TMCC1: variants seen among roughly 807,000 people sequenced by gnomAD.
TMCC1 encodes the protein transmembrane and coiled-coil domain family 1, also known as transmembrane and coiled-coil domains protein 1.
A neutral mutation model predicts 52.4 loss-of-function variants in TMCC1; 15 were observed. That is an observed-to-expected ratio of 0.29 (90% CI 0.19 to 0.44). The LOEUF is 0.44. TMCC1 is among the 20% of genes least tolerant of loss of function. The pLI is 1.00. For missense variants in TMCC1, 503 were observed against 806.0 expected (o/e 0.62, Z 4.55); for synonymous variants, 279 against 301.9 (o/e 0.92, Z 0.79).
chr3:129,762,590 C>G (rs1159428296), intron 4 of TMCC1, among the ~76,000 whole-genome samples: 2 of 151,654 alleles, frequency 1.3e-5, no homozygotes, highest in Non-Finnish European at 2.9e-5. Context: ...GAGTTCAAGA[C>G]CAGCCTAAGC....
chr3:129,785,946 T>C (rs1480101405), intron 4 of TMCC1, among the ~76,000 whole-genome samples: 1 of 150,900 alleles, frequency 6.6e-6, no homozygotes, highest in East Asian at 1.9e-4. Context: ...TTTTTTTTTT[T>C]TTTTTTAAGA....
At chr3:129,747,821 G>A (rs2052118650) in intron 4 of TMCC1, among the ~76,000 whole-genome samples, 1 of 151,926 alleles carries the variant, frequency 6.6e-6, no homozygotes, top group Non-Finnish European at 1.5e-5. Context: ...CACATCCCCT[G>A]GGCTCTGATG....
At chr3:129,778,879 C>T (rs1233200389) in intron 4 of TMCC1, among the ~76,000 whole-genome samples, 1 of 152,106 alleles carries the variant, frequency 6.6e-6, no homozygotes, top group Non-Finnish European at 1.5e-5. Flanking sequence ...TCAATTAAAC[C>T]TTTTTCCTTT....
chr3:129,741,485 T>C (rs531741889), intron 4 of TMCC1, among the ~76,000 whole-genome samples: 3 of 152,280 alleles, frequency 2.0e-5, no homozygotes, highest in Admixed American at 2.0e-4. Context: ...CCATGATTTA[T>C]TCAAGGTCAC....
At chr3:129,785,289 A>G (rs1439587232) in intron 4 of TMCC1, among the ~76,000 whole-genome samples, 2 of 152,170 alleles carry the variant, frequency 1.3e-5, no homozygotes, top group Admixed American at 6.5e-5. Context: ...TCATCTTTAT[A>G]CCTAACTCAT....
At chr3:129,833,235 G>A (rs1161640376) in intron 2 of TMCC1, among the ~76,000 whole-genome samples, 1 of 151,930 alleles carries the variant, frequency 6.6e-6, no homozygotes. Context: ...TTTTTTTCAA[G>A]TAGTTTCCTA....
At chr3:129,671,334 A>G (rs2087925268) in intron 4 of TMCC1, 70 bp from the exon 5 acceptor site, 3 of 1,441,612 alleles carry the variant, frequency 2.1e-6, no homozygotes, top group East Asian at 4.7e-5. Context: ...ATGGGCCAAA[A>G]TGTATTGGAA....
chr3:129,756,822 T>C (rs903526325), intron 4 of TMCC1, among the ~76,000 whole-genome samples: 8 of 152,190 alleles, frequency 5.3e-5, no homozygotes, highest in Non-Finnish European at 7.3e-5. Context: ...AATGATTAGA[T>C]TGCCAGCAGT....
At chr3:129,805,383 G>A (rs1045042436) in intron 4 of TMCC1, among the ~76,000 whole-genome samples, 2 of 151,964 alleles carry the variant, frequency 1.3e-5, no homozygotes, top group African/African-American at 2.4e-5. Context: ...GGCTGTTCTC[G>A]AACTCCTGGG....
At chr3:129,748,176 T>TC (rs1313076145) in intron 4 of TMCC1, among the ~76,000 whole-genome samples, 3 of 152,258 alleles carry the variant, frequency 2.0e-5, no homozygotes, top group Non-Finnish European at 4.4e-5. Context: ...GTTCAACACT[T>TC]CCTGTGTCTC....
chr3:129,648,819 AC>A lies in TMCC1; in HGVS notation c.*2661del, dbSNP rs2086169087. ...CCCAAGAACAACCACAATGAAAGAA[AC>A]TCAAAAGTAACAGGATGGGCAGCAA... On this transcript the variant is annotated 3_prime_UTR_variant, in exon 7 of 7. Transcript: ENST00000393238. 1 of 152,242 alleles carries A rather than the reference AC, an allele frequency of 6.6e-6. No individual in the cohort carries two copies. 9.4% of individuals were successfully genotyped at this position (152,242 alleles called of 1,614,324 possible).
chr3:129,815,979 A>G (rs1198388326), intron 4 of TMCC1, among the ~76,000 whole-genome samples: 1 of 152,202 alleles, frequency 6.6e-6, no homozygotes, highest in East Asian at 1.9e-4. Context: ...CAACAAGTAT[A>G]TGAAAAAATG....
At chr3:129,817,308 G>A (rs1237549948) in intron 4 of TMCC1, among the ~76,000 whole-genome samples, 1 of 152,072 alleles carries the variant, frequency 6.6e-6, no homozygotes, top group Admixed American at 6.6e-5. Context: ...AGTCGGCCGG[G>A]TGTGGTGGCC....
chr3:129,845,203 C>T (rs948359543), intron 2 of TMCC1, among the ~76,000 whole-genome samples: 2 of 151,818 alleles, frequency 1.3e-5, no homozygotes, highest in East Asian at 3.9e-4. Context: ...CACACACACA[C>T]ACACACACAC....
rs1055047068 is a variant in TMCC1 at position 129,871,812 on chromosome 3, G to A, written c.-184+8497C>T. On this transcript the variant is annotated intron_variant, in intron 2 of 6. Transcript: ENST00000393238. ...AAAGAATCAAAGTCTAACATGGACA[G>A]CCAGCTCACAAAAAAAGATACATGA... is the stretch of plus-strand genomic sequence containing the variant. Among the ~76,000 whole-genome samples the A allele has an allele frequency of 1.1e-4, 17 of 152,192 alleles. 1 individual carries two copies. The highest frequency in any genetic ancestry group is 1.5e-5 in the Non-Finnish European group (1 of 68,036).
At chr3:129,884,542 T>C (rs778528134) in intron 1 of TMCC1, among the ~76,000 whole-genome samples, 2 of 152,218 alleles carry the variant, frequency 1.3e-5, no homozygotes, top group African/African-American at 2.4e-5. Flanking sequence ...CCCTGATTAT[T>C]AGAATTAGAA....
At chr3:129,847,683 G>C (rs2059728381) in intron 2 of TMCC1, 1 of 152,134 alleles carries the variant, frequency 6.6e-6, no homozygotes, top group South Asian at 2.1e-4. Context: ...CATTTCTCTT[G>C]AATAATTAGA....
At chr3:129,866,568 C>T (rs1054899257) in intron 2 of TMCC1, among the ~76,000 whole-genome samples, 39 of 151,326 alleles carry the variant, frequency 2.6e-4, no homozygotes, top group African/African-American at 9.0e-4. Context: ...GTAGAGACAG[C>T]GTTTTTCCAT....
intron 5 of TMCC1, among the ~76,000 whole-genome samples, chr3:129,662,596 C>T (rs2087125143): frequency 1.3e-5 from 2 of 152,088 alleles, no homozygotes; most frequent in Non-Finnish European, 2.9e-5. Context: ...CGAGACTGTA[C>T]CACTGCACTC....
Sources: gnomAD v4.1 joint callset for allele counts (sites outside exome capture counted in the v4.1 genomes callset) on GRCh38, gnomAD v4.1.1 for gene constraint, MANE v1.5 for transcripts, NCBI Gene and HGNC (gene_info 2026-07-23, HGNC 2026-07-21) for gene names.